RAD51B: variants seen among roughly 807,000 people sequenced by gnomAD.
RAD51B encodes RAD51 paralog B, also known as DNA repair protein RAD51 homolog 2.
In RAD51B, 38 loss-of-function variants were observed where a neutral mutation model predicts 42.2. That is an observed-to-expected ratio of 0.90 (90% CI 0.70 to 1.18). The LOEUF (loss-of-function observed/expected upper bound fraction) is 1.18, where lower values mean the gene tolerates loss of function less well. Among genes scored for constraint, RAD51B ranks in the 50% most tolerant of loss-of-function variants. The pLI, the probability that RAD51B is intolerant of heterozygous loss-of-function variation, is 0.00. For synonymous variants in RAD51B, 154 were observed against 145.2 expected, an observed-to-expected ratio of 1.06 and a Z score of -0.43; for missense variants, 373 against 400.7, an observed-to-expected ratio of 0.93 and a Z score of 0.59.
At chr14:67,900,161 G>T (rs1044580056) in intron 7 of RAD51B, among the ~76,000 whole-genome samples, 1 of 152,126 alleles carries the variant, frequency 6.6e-6, no homozygotes, top group African/African-American at 2.4e-5. Flanking sequence ...AGAAATATTT[G>T]ATTATTTGCA....
chr14:67,895,118 T>C (rs538004140), intron 7 of RAD51B, among the ~76,000 whole-genome samples: 27 of 152,338 alleles, frequency 1.8e-4, no homozygotes, highest in African/African-American at 4.6e-4. Context: ...TTTTGGAGAC[T>C]GATAGGTAGT....
chr14:68,169,630 T>A (rs1475952923), intron 7 of RAD51B, among the ~76,000 whole-genome samples: 1 of 152,206 alleles, frequency 6.6e-6, no homozygotes, highest in African/African-American at 2.4e-5. Context: ...TGTGTAGATG[T>A]TGCTGAGTCC....
chr14:68,530,644 T>C (rs995002287), intron 10 of RAD51B, among the ~76,000 whole-genome samples: 1 of 152,046 alleles, frequency 6.6e-6, no homozygotes, highest in African/African-American at 2.4e-5. Flanking sequence ...CAGAGTTTTA[T>C]ACCTAGCTAA....
In RAD51B at chr14:68,611,189, C is replaced by A. The variant is rs1485605914; in HGVS notation, c.1220C>A (p.Pro407His). 7.1e-6 allele frequency: 5 copies of A among 703,100 alleles called. No individual in the cohort carries two copies. In the South Asian group the frequency reaches 7.4e-5, roughly 10 times the overall value. 43.6% of individuals were successfully genotyped at this position (703,100 alleles called of 1,614,324 possible). A position where few individuals can be genotyped will look rare whatever the true frequency, so the allele number is the denominator to read the frequency against. Reference sequence around the variant, plus strand: ...TCAACTGTCCTCTCTTCTGCTCTTCCTCCTACAAACTGGGCAACTGGAATC... The same window carrying A: ...TCAACTGTCCTCTCTTCTGCTCTTCATCCTACAAACTGGGCAACTGGAATC... The change falls in exon 11 of 11, where the codon CCT becomes CAT. Residue 407 changes from proline to histidine, a missense_variant. Transcript: ENST00000487861.
intron 10 of RAD51B, chr14:68,497,431 G>A (rs1884608429): frequency 9.2e-7 from 1 of 1,092,444 alleles, no homozygotes; most frequent in African/African-American, 1.6e-5. Flanking sequence ...GGCACACAGG[G>A]AACAGGAAAT....
At chr14:68,046,172 G>T (rs1700361962) in intron 7 of RAD51B, among the ~76,000 whole-genome samples, 1 of 152,134 alleles carries the variant, frequency 6.6e-6, no homozygotes. Flanking sequence ...CACCCAGGCT[G>T]GAGTGCAGTG....
chr14:68,266,232 A>G lies in RAD51B; in HGVS notation c.757-25652A>G, dbSNP rs73290248. On this transcript the variant is annotated intron_variant, in intron 7 of 10. Transcript: ENST00000471583. The stretch of plus-strand genomic sequence containing the variant: ...GAGTAACAAGCAAAAAGCATAACAA[A>G]TTTATTTAACAGAGTTTTATGTGAC... Among the ~76,000 whole-genome samples, 1,235 of 152,326 alleles carry G rather than the reference A, an allele frequency of 8.1e-3. 15 individuals carry two copies. The highest frequency in any genetic ancestry group is 0.029 in the African/African-American group (1,195 of 41,564).
intron 7 of RAD51B, among the ~76,000 whole-genome samples, chr14:67,987,873 A>G (rs888335290): frequency 1.3e-5 from 2 of 152,226 alleles, no homozygotes; most frequent in Non-Finnish European, 2.9e-5. Flanking sequence ...AATAACAGCC[A>G]GTGTGGTTCA....
At chr14:67,844,457 TC>T (rs2041539679) in intron 4 of RAD51B, among the ~76,000 whole-genome samples, 1 of 151,948 alleles carries the variant, frequency 6.6e-6, no homozygotes, top group Non-Finnish European at 1.5e-5. Flanking sequence ...TGTTGAAGTC[TC>T]ACACTATTAT....
chr14:67,865,354 A>AGCCTCCC (rs1393117996), intron 5 of RAD51B, among the ~76,000 whole-genome samples: 2 of 150,154 alleles, frequency 1.3e-5, no homozygotes, highest in East Asian at 3.9e-4. Context: ...CTCCTGCCTC[A>AGCCTCCC]GCCTCCCGAG....
chr14:68,067,122 GA>G (rs1352310751), intron 7 of RAD51B, among the ~76,000 whole-genome samples: 1 of 152,012 alleles, frequency 6.6e-6, no homozygotes, highest in East Asian at 1.9e-4. Context: ...AATGAAGTGG[GA>G]AAAAAGTAAA....
intron 7 of RAD51B, among the ~76,000 whole-genome samples, chr14:67,928,340 G>C (rs919734233): frequency 3.9e-5 from 6 of 152,148 alleles, no homozygotes; most frequent in Non-Finnish European, 7.3e-5. Flanking sequence ...GAGTTTAATA[G>C]GCAAGAAAGA....
intron 8 of RAD51B, among the ~76,000 whole-genome samples, chr14:68,400,355 A>C (rs969473747): frequency 4.6e-5 from 7 of 152,206 alleles, no homozygotes; most frequent in Non-Finnish European, 8.8e-5. Context: ...AGCTCTCTCC[A>C]AAGGCAGCTG....
chr14:68,668,695 C>T lies in RAD51B; in HGVS notation c.*11+17839C>T, dbSNP rs137856116. ...TGATCCATGGCTCCCCTCTGCCGCCCGAGTCATCTCACAGATGGCGGGCTG... is the reference window on the plus strand; with the variant it reads ...TGATCCATGGCTCCCCTCTGCCGCCTGAGTCATCTCACAGATGGCGGGCTG... On this transcript the variant is annotated intron_variant, in intron 11 of 11. Transcript: ENST00000488612. Among the ~76,000 whole-genome samples the T allele has an allele frequency of 1.5e-3, 232 of 152,346 alleles. 1 individual carries two copies. Among genetic ancestry groups the T allele is most frequent in the African/African-American group, 5.1e-3 (212 of 41,582 alleles).
At chr14:68,584,701 C>T (rs1246108150) in intron 10 of RAD51B, among the ~76,000 whole-genome samples, 2 of 152,202 alleles carry the variant, frequency 1.3e-5, no homozygotes, top group Non-Finnish European at 2.9e-5. Flanking sequence ...ACACTTCCAT[C>T]GATTCTTCCC....
intron 7 of RAD51B, among the ~76,000 whole-genome samples, chr14:67,936,411 A>G (rs796216845): frequency 1.5e-4 from 23 of 152,322 alleles, no homozygotes; most frequent in African/African-American, 5.5e-4. Context: ...GTGTTGCAGC[A>G]TGTTATCAGT....
chr14:68,244,742 C>G (rs530571908), intron 7 of RAD51B, among the ~76,000 whole-genome samples: 1 of 152,124 alleles, frequency 6.6e-6, no homozygotes, highest in African/African-American at 2.4e-5. Context: ...TCCAGCAAAT[C>G]CACCCATGCA....
chr14:67,995,574 A>T (rs2075367260), intron 7 of RAD51B, among the ~76,000 whole-genome samples: 1 of 151,738 alleles, frequency 6.6e-6, no homozygotes, highest in African/African-American at 2.4e-5. Context: ...CCCCCCTCTG[A>T]ATACTATTGG....
chr14:68,116,423 T>C (rs2077549661), intron 7 of RAD51B, among the ~76,000 whole-genome samples: 1 of 151,582 alleles, frequency 6.6e-6, no homozygotes, highest in Non-Finnish European at 1.5e-5. Flanking sequence ...ATAAGTAGCA[T>C]GATTTGAAGT....
Sources: gnomAD v4.1 joint callset for allele counts (sites outside exome capture counted in the v4.1 genomes callset) on GRCh38, gnomAD v4.1.1 for gene constraint, MANE v1.5 for transcripts, NCBI Gene and HGNC (gene_info 2026-07-23, HGNC 2026-07-21) for gene names.